CNNM4: variants seen among roughly 807,000 people sequenced by gnomAD.
CNNM4 encodes the protein metal transporter CNNM4.
A neutral mutation model predicts 53.7 loss-of-function variants in CNNM4; 32 were observed. That is an observed-to-expected ratio of 0.60 (90% CI 0.45 to 0.80). The LOEUF is 0.80. Among genes scored for constraint, CNNM4 ranks in the 30% least tolerant of loss-of-function variants. The pLI, the probability that CNNM4 is intolerant of heterozygous loss-of-function variation, is 0.00. For synonymous variants in CNNM4, 410 were observed against 440.0 expected, an observed-to-expected ratio of 0.93 and a Z score of 0.85; for missense variants, 784 against 1,022.0, an observed-to-expected ratio of 0.77 and a Z score of 3.17.
chr2:96,789,479 C>G (rs190237573), intron 1 of CNNM4, among the ~76,000 whole-genome samples: 6 of 152,084 alleles, frequency 3.9e-5, no homozygotes, highest in Admixed American at 1.3e-4. Flanking sequence ...GTGGAGGGCA[C>G]GGTCCCACCT....
intron 5 of CNNM4, among the ~76,000 whole-genome samples, chr2:96,806,535 A>ACACACACGCGCG (rs374638753): frequency 6.5e-5 from 8 of 123,944 alleles, no homozygotes; most frequent in South Asian, 2.5e-4. Context: ...ACACACACAC[A>ACACACACGCGCG]CGCGCGCGCG....
At chr2:96,780,164 C>A (rs1289061232) in intron 1 of CNNM4, among the ~76,000 whole-genome samples, 2 of 152,140 alleles carry the variant, frequency 1.3e-5, no homozygotes, top group Non-Finnish European at 2.9e-5. Context: ...TCATTTGTGT[C>A]CTCTTAGTTT....
chr2:96,809,966 A>C lies in CNNM4; in HGVS notation c.*449A>C, dbSNP rs1417506510. 1 of 154,454 alleles carries C rather than the reference A, an allele frequency of 6.5e-6. No individual in the cohort carries two copies. Among genetic ancestry groups the C allele is most frequent in the Non-Finnish European group, 1.4e-5 (1 of 69,272 alleles). 9.6% of individuals were successfully genotyped at this position (154,454 alleles called of 1,614,324 possible). ...TCCAGCTTGTGTCCCTGATTCAGGG[A>C]GCTCTCCCTTCCTCCTCCTCCTCCT... On this transcript the variant is annotated 3_prime_UTR_variant, in exon 7 of 7. Coordinates refer to ENST00000377075, the MANE Select transcript of CNNM4 (RefSeq NM_020184.4).
rs1374397117 is a variant in CNNM4 at position 96,811,864 on chromosome 2, A to AT, written c.*2348dup. 1 of 152,580 alleles carries AT rather than the reference A, an allele frequency of 6.6e-6. No individual in the cohort carries two copies. The highest frequency in any genetic ancestry group is 2.4e-5 in the African/African-American group (1 of 41,456). 9.5% of individuals were successfully genotyped at this position (152,580 alleles called of 1,614,324 possible). On this transcript the variant is annotated 3_prime_UTR_variant, in exon 7 of 7. Transcript: ENST00000377075. ...TTTTTGATTGGTAATAAAAAATCAAATATGTATAAATCCTGGTGAATCTAC... is the reference window on the plus strand; with the variant it reads ...TTTTTGATTGGTAATAAAAAATCAAATTATGTATAAATCCTGGTGAATCTAC...
intron 1 of CNNM4, among the ~76,000 whole-genome samples, chr2:96,765,029 T>TTG (rs2078802528): frequency 1.6e-5 from 1 of 62,042 alleles, no homozygotes; most frequent in Non-Finnish European, 2.9e-5. Flanking sequence ...GAATGGTTTT[T>TTG]TTTTTTTTTT....
rs758239637 is a variant in CNNM4 at position 96,797,126 on chromosome 2, C to T, written c.1517C>T (p.Ser506Leu). The change falls in exon 2 of 7, where the codon TCG (serine) becomes TTG (leucine). Residue 506 changes from serine to leucine, a missense_variant. Coordinates refer to ENST00000377075, the MANE Select transcript of CNNM4 (RefSeq NM_020184.4). The surrounding 1 kb of genome is among the most constrained non-coding windows in gnomAD (Gnocchi z 6.0). ...LEDVIEEIIKSEILDESDMYT... is the reference protein window; with the variant it reads ...LEDVIEEIIKLEILDESDMYT... ...GACGTGATCGAGGAGATCATCAAGT[C>T]GGAGATCCTGGACGAGTCCGACATG... is the stretch of plus-strand genomic sequence containing the variant. The T allele has an allele frequency of 3.5e-5, 56 of 1,614,050 alleles. No individual in the cohort carries two copies. The highest frequency in any genetic ancestry group is 4.2e-5 in the Non-Finnish European group (49 of 1,180,026).
intron 1 of CNNM4, among the ~76,000 whole-genome samples, chr2:96,790,972 T>C (rs555587249): frequency 1.3e-5 from 2 of 151,306 alleles, no homozygotes; most frequent in Non-Finnish European, 1.5e-5. Context: ...ATACAAAAAT[T>C]AGCTGGGCAT....
In CNNM4 at chr2:96,761,007, CGGTGGGCGGG is replaced by C; in HGVS notation, c.11_20del (p.Val4AlafsTer43). ...CGGCAGAGCCAGAGCAACATGGCGC[CGGTGGGCGGG>C]GGCGGGCGCCCGGTCGGCGGACCGG... On this transcript the variant is annotated frameshift_variant, in exon 1 of 7. Coordinates refer to ENST00000377075, the MANE Select transcript of CNNM4 (RefSeq NM_020184.4). LOFTEE classifies it high-confidence loss of function. The surrounding 1 kb of genome is among the most constrained non-coding windows in gnomAD (Gnocchi z 6.0). 1 of 1,158,372 alleles carries C rather than the reference CGGTGGGCGGG, an allele frequency of 8.6e-7. No homozygotes were observed. The highest frequency in any genetic ancestry group is 1.1e-6 in the Non-Finnish European group (1 of 941,214). 71.8% of individuals were successfully genotyped at this position (1,158,372 alleles called of 1,614,324 possible).
chr2:96,762,496 T>C, intron 1 of CNNM4, 95 bp downstream of exon 1: 1 of 1,162,354 alleles, frequency 8.6e-7, no homozygotes. Flanking sequence ...GTTCTGTTTG[T>C]GTGACTCTGT....
chr2:96,799,727 C>T (rs2079141749), intron 5 of CNNM4, 79 bp downstream of exon 5: 1 of 1,205,898 alleles, frequency 8.3e-7, no homozygotes, highest in Admixed American at 2.0e-5. Context: ...CAGAACTGAG[C>T]ATGGGCCCGA....
At chr2:96,795,686 C>T (rs552703323) in intron 1 of CNNM4, among the ~76,000 whole-genome samples, 4 of 152,272 alleles carry the variant, frequency 2.6e-5, no homozygotes, top group South Asian at 2.1e-4. Flanking sequence ...GTCCCTAGAG[C>T]GAGGCCCTTG....
chr2:96,783,785 A>G (rs116282273), intron 1 of CNNM4, among the ~76,000 whole-genome samples: 3,179 of 152,300 alleles, frequency 0.021, 127 homozygotes, highest in African/African-American at 0.073. Context: ...TAAGAGCCCA[A>G]TGGGGACTGG....
At chr2:96,764,988 A>G (rs1311324305) in intron 1 of CNNM4, among the ~76,000 whole-genome samples, 1 of 129,992 alleles carries the variant, frequency 7.7e-6, no homozygotes, top group Non-Finnish European at 1.6e-5. Context: ...CTCTGTTTCA[A>G]AAAAAAAAGA....
chr2:96,792,038 G>C (rs1351663502), intron 1 of CNNM4, among the ~76,000 whole-genome samples: 1 of 151,906 alleles, frequency 6.6e-6, no homozygotes, highest in Non-Finnish European at 1.5e-5. Context: ...CTGAACACTT[G>C]AGATCAGGAG....
chr2:96,764,422 A>G (rs2078794385), intron 1 of CNNM4, among the ~76,000 whole-genome samples: 1 of 152,164 alleles, frequency 6.6e-6, no homozygotes, highest in Admixed American at 6.5e-5. Context: ...TGGTAAACCC[A>G]GGGAACTGCA....
rs764233273 is a variant in CNNM4, at chr2:96,761,416, C to G, written c.417C>G (p.Leu139=). 1.2e-6 allele frequency: 2 copies of G among 1,614,102 alleles called. No individual in the cohort carries two copies. Among genetic ancestry groups the G allele is most frequent in the Non-Finnish European group, 1.7e-6 (2 of 1,180,018 alleles). ...SGVLVVLTKF[L]RRSESMKLYA... is the part of the protein sequence containing the mutation. ...TGCTGGTGGTGCTCACCAAGTTCCT[C>G]CGGAGGAGCGAGAGCATGAAGCTGT... is the stretch of plus-strand genomic sequence containing the variant. The change falls in exon 1 of 7, where the codon CTC becomes CTG. Residue 139 remains leucine, a synonymous_variant. Coordinates refer to ENST00000377075, the MANE Select transcript of CNNM4 (RefSeq NM_020184.4). This position sits in a 1 kb window ranked among gnomAD's most constrained non-coding sequence, Gnocchi z 6.0.
chr2:96,780,221 G>A (rs2078961814), intron 1 of CNNM4, among the ~76,000 whole-genome samples: 1 of 152,030 alleles, frequency 6.6e-6, no homozygotes, highest in East Asian at 1.9e-4. Flanking sequence ...CTTTTCTTGA[G>A]TATATTCCTA....
chr2:96,807,501 G>A (rs1300569766), intron 5 of CNNM4, among the ~76,000 whole-genome samples: 3 of 152,074 alleles, frequency 2.0e-5, no homozygotes, highest in Non-Finnish European at 2.9e-5. Context: ...GGTGGAATGC[G>A]CCTGGGTGAC....
Position 96,797,665 on chromosome 2 carries a change from T to G in CNNM4, c.1681+18T>G. 2 of 1,613,464 alleles carry G rather than the reference T, an allele frequency of 1.2e-6. No homozygotes were observed. Reference sequence around the variant, plus strand: ...AGCCACAGGTAGCATGAGGAGGACCTTCCGGTCTTGGTGGAAATACGGTCA... The same window carrying G: ...AGCCACAGGTAGCATGAGGAGGACCGTCCGGTCTTGGTGGAAATACGGTCA... On this transcript the variant is annotated intron_variant, in intron 3 of 6. Transcript: ENST00000377075. This position sits in a 1 kb window ranked among gnomAD's most constrained non-coding sequence, Gnocchi z 6.0.
Sources: allele counts gnomAD v4.1 joint callset (sites outside exome capture counted in the v4.1 genomes callset), GRCh38; gene constraint gnomAD v4.1.1; non-coding constraint Gnocchi (gnomAD v3.1); transcripts MANE v1.5; gene names NCBI Gene and HGNC (gene_info 2026-07-23, HGNC 2026-07-21).